The following ADGRE1 variants were observed in gnomAD, a reference collection of about 807,000 sequenced individuals.
The protein encoded by ADGRE1 is adhesion G protein-coupled receptor E1, also known as EGF-like module receptor 1.
ADGRE1 carries 82 observed loss-of-function variants against 102.7 expected under a neutral mutation model. The observed-to-expected ratio is 0.80, with a 90% CI of 0.67 to 0.96. The LOEUF (loss-of-function observed/expected upper bound fraction) is 0.96, where lower values mean the gene tolerates loss of function less well. ADGRE1 is among the 40% of genes least tolerant of loss of function. The pLI is 0.00. For synonymous variants in ADGRE1, 398 were observed against 399.6 expected (o/e 1.00, Z 0.05); for missense variants, 1,032 against 1,085.3 (o/e 0.95, Z 0.69).
Position 6,923,600 on chromosome 19 carries a change from A to G in ADGRE1, c.1792-1078A>G, listed in dbSNP as rs1321438296. Among the ~76,000 whole-genome samples the G allele has an allele frequency of 3.3e-5, 5 of 151,934 alleles. No homozygotes were observed. In the East Asian group the frequency reaches 7.8e-4, roughly 24 times the overall value. On this transcript the variant is annotated intron_variant, in intron 14 of 20. Coordinates refer to ENST00000312053, the MANE Select transcript of ADGRE1 (RefSeq NM_001974.5). ...GGCTGGAGTGCAGAGGTGTGATCTC[A>G]GCTCACTGCAACCTCTGCCTCCCAG...
intron 10 of ADGRE1, among the ~76,000 whole-genome samples, chr19:6,909,402 C>A (rs1974088534): frequency 6.6e-6 from 1 of 152,118 alleles, no homozygotes; most frequent in South Asian, 2.1e-4. Context: ...CTCTATAAAT[C>A]CCTGATCTGG....
At position 6,897,298 on chromosome 19, in the gene ADGRE1, T is replaced by C. The variant is rs143012410; in HGVS notation, c.388T>C (p.Cys130Arg). 6.1e-4 allele frequency: 983 copies of C among 1,613,998 alleles called. 10 individuals are homozygous for C. The highest frequency in any genetic ancestry group is 3.5e-3 in the South Asian group (319 of 91,072). Reference sequence around the variant, plus strand: ...CCCAGGAAAGCCGGGCAATTTCTCCTGTACTGGTAATGCTCTCAGGTTCCC... The same window carrying C: ...CCCAGGAAAGCCGGGCAATTTCTCCCGTACTGGTAATGCTCTCAGGTTCCC... ...WVPGKPGNFS[C>R]TDINECLTSS... is the part of the protein sequence containing the mutation. Residue 130 changes from cysteine (C) to arginine (R), a missense_variant, in exon 4 of 21, where the codon TGT (cysteine) becomes CGT (arginine). Physicochemically the swap from Cys to Arg is radical, Grantham distance 180. Transcript: ENST00000312053.
At chr19:6,918,908 A>G (rs1315939099) in intron 12 of ADGRE1, among the ~76,000 whole-genome samples, 1 of 152,060 alleles carries the variant, frequency 6.6e-6, no homozygotes, top group Non-Finnish European at 1.5e-5. Context: ...TATTGTTAGT[A>G]TAGACAGGAT....
chr19:6,929,858 G>A (rs559957793), intron 17 of ADGRE1, among the ~76,000 whole-genome samples: 31 of 151,964 alleles, frequency 2.0e-4, no homozygotes, highest in Non-Finnish European at 3.7e-4. Context: ...GTTTCACCAC[G>A]TTGACCAGGC....
intron 10 of ADGRE1, among the ~76,000 whole-genome samples, chr19:6,910,632 C>T (rs12978840): frequency 0.58 from 82,436 of 143,044 alleles, 25,896 homozygotes; most frequent in Non-Finnish European, 0.7. Flanking sequence ...AGTGCAATGG[C>T]GCAATATTGA....
In ADGRE1 at chr19:6,890,518, A is replaced by T; in HGVS notation, c.69A>T (p.Arg23Ser). ...CVMHSWEGHIRPTRKPNTKGN... is the reference protein window; with the variant it reads ...CVMHSWEGHISPTRKPNTKGN... ...TGCACAGCTGGGAAGGGCACATAAG[A>T]CCCACACGGAAACCAAACACAAAGG... Residue 23 changes from arginine to serine, a missense_variant, in exon 2 of 21, where the codon AGA becomes AGT. Arg to Ser is a moderately radical substitution (Grantham distance 110). Transcript: ENST00000312053. 6.2e-7 allele frequency: 1 copy of T among 1,611,338 alleles called. No individual in the cohort carries two copies. The highest frequency in any genetic ancestry group is 1.4e-5 in the African/African-American group (1 of 73,936).
rs762112343 is a variant in ADGRE1, at chr19:6,937,581, C to T, written c.2588C>T (p.Thr863Met). ...EEYKRWITGK[T>M]KPSSQSQTSR... Reference sequence around the variant, plus strand: ...TACAAGAGGTGGATCACTGGGAAGACGAAGCCCAGCTCCCAGTCCCAGACC... The same window carrying T: ...TACAAGAGGTGGATCACTGGGAAGATGAAGCCCAGCTCCCAGTCCCAGACC... Residue 863 changes from threonine (T) to methionine (M), a missense_variant, in exon 20 of 21, where the codon ACG (threonine) becomes ATG (methionine). Thr to Met is a moderately conservative substitution (Grantham distance 81, BLOSUM62 -1). Transcript: ENST00000312053. 8 of 1,613,938 alleles carry T rather than the reference C, an allele frequency of 5.0e-6. No homozygotes were observed. In the South Asian group the frequency reaches 5.5e-5, roughly 11 times the overall value.
chr19:6,904,708 A>G (rs1341778433), intron 8 of ADGRE1, among the ~76,000 whole-genome samples: 6 of 151,966 alleles, frequency 3.9e-5, no homozygotes, highest in Admixed American at 6.6e-5. Context: ...GTGTTTCACC[A>G]TGTTAGCCAG....
chr19:6,904,233 T>C, intron 8 of ADGRE1, 51 bp downstream of exon 8: 1 of 1,597,248 alleles, frequency 6.3e-7, no homozygotes, highest in Non-Finnish European at 8.5e-7. Flanking sequence ...CTGGCTTTGG[T>C]TGGAAAATTC....
At position 6,897,383 on chromosome 19, in the gene ADGRE1, G is replaced by A. The variant is rs774423821; in HGVS notation, c.395-45G>A. On this transcript the variant is annotated intron_variant, in intron 4 of 20. Transcript: ENST00000312053. ...GTGAGTTCATGTATTTCTGAACTGAGGCACCCAATTTCTTATCTGCTCACC... is the reference window on the plus strand; with the variant it reads ...GTGAGTTCATGTATTTCTGAACTGAAGCACCCAATTTCTTATCTGCTCACC... The A allele has an allele frequency of 5.0e-6, 8 of 1,598,818 alleles. No homozygotes were observed. The East Asian group carries it at 1.8e-4, about 36-fold the overall frequency.
At chr19:6,888,302 T>A (rs559789825) in intron 1 of ADGRE1, among the ~76,000 whole-genome samples, 1 of 152,174 alleles carries the variant, frequency 6.6e-6, no homozygotes, top group Non-Finnish European at 1.5e-5. Context: ...TCGGGAGTTA[T>A]GTTGAAGGGA....
intron 17 of ADGRE1, among the ~76,000 whole-genome samples, chr19:6,932,312 C>CA (rs1278919526): frequency 6.6e-6 from 1 of 151,598 alleles, no homozygotes; most frequent in Non-Finnish European, 1.5e-5. Context: ...ACTAAAAATA[C>CA]AAAAAATCAG....
intron 9 of ADGRE1, among the ~76,000 whole-genome samples, chr19:6,907,955 A>G (rs980992906): frequency 1.3e-5 from 2 of 152,220 alleles, no homozygotes. Context: ...CAGGCCCCCC[A>G]AAATCTGGCC....
At chr19:6,897,613 C>T in intron 5 of ADGRE1, 66 bp downstream of exon 5, 2 of 1,424,836 alleles carry the variant, frequency 1.4e-6, no homozygotes, top group Admixed American at 2.6e-5. Flanking sequence ...ACTGGAAGAC[C>T]ATATGAGAAA....
At chr19:6,931,918 C>A (rs756772485) in intron 17 of ADGRE1, among the ~76,000 whole-genome samples, 2 of 151,498 alleles carry the variant, frequency 1.3e-5, no homozygotes, top group Admixed American at 1.3e-4. Context: ...GGTCTTGGGG[C>A]GCCTGGCCCC....
At position 6,919,584 on chromosome 19, in the gene ADGRE1, T is replaced by C. The variant is rs373543520; in HGVS notation, c.1457T>C (p.Met486Thr). 2.2e-5 allele frequency: 35 copies of C among 1,613,258 alleles called. No homozygotes were observed. Among genetic ancestry groups the C allele is most frequent in the Non-Finnish European group, 2.9e-5 (34 of 1,179,896 alleles). Residue 486 changes from methionine to threonine, a missense_variant, in exon 13 of 21, where the codon ATG becomes ACG. Physicochemically the swap from Met to Thr is moderately conservative, Grantham distance 81. Coordinates refer to ENST00000312053, the MANE Select transcript of ADGRE1 (RefSeq NM_001974.5). ...GTGGCTTTTGTCTCCTTTGTGGGCA[T>C]GGAATCGGTTTTAAATGAGCGCTTC... ...TGVAFVSFVG[M>T]ESVLNERFFK...
chr19:6,923,084 A>G (rs990173885), intron 14 of ADGRE1, among the ~76,000 whole-genome samples: 14 of 151,898 alleles, frequency 9.2e-5, no homozygotes, highest in Admixed American at 2.0e-4. Context: ...CTCAAAAAGA[A>G]AGAAAGTATC....
chr19:6,895,768 T>G (rs1973524548), intron 2 of ADGRE1: 2 of 152,230 alleles, frequency 1.3e-5, no homozygotes, highest in African/African-American at 4.8e-5. Flanking sequence ...TTCAATGGAT[T>G]TTGCATTTCC....
chr19:6,905,835 A>G (rs1438980395), intron 8 of ADGRE1, among the ~76,000 whole-genome samples: 1 of 152,212 alleles, frequency 6.6e-6, no homozygotes, highest in Non-Finnish European at 1.5e-5. Flanking sequence ...CAAATATAAT[A>G]AAGATAATAT....
Sources: gnomAD v4.1 joint callset for allele counts (sites outside exome capture counted in the v4.1 genomes callset) on GRCh38, gnomAD v4.1.1 for gene constraint, MANE v1.5 for transcripts, NCBI Gene and HGNC (gene_info 2026-07-23, HGNC 2026-07-21) for gene names.